Variants in LIN7A observed in about 807,000 individuals in gnomAD.
LIN7A encodes the protein protein lin-7 homolog A.
Under a neutral mutation model 29.8 loss-of-function variants are expected in LIN7A, and 25 were observed. The observed-to-expected ratio is 0.84, with a 90% CI of 0.61 to 1.17. The LOEUF (loss-of-function observed/expected upper bound fraction) is 1.17. Ranked by LOEUF, LIN7A falls within the 50% of genes most tolerant of loss-of-function variation. LIN7A has a pLI of 0.00. For synonymous variants in LIN7A, 118 were observed against 107.5 expected, an observed-to-expected ratio of 1.10 and a Z score of -0.60; for missense variants, 239 against 287.0, an observed-to-expected ratio of 0.83 and a Z score of 1.21.
intron 4 of LIN7A, among the ~76,000 whole-genome samples, chr12:80,817,624 T>A (rs1871598517): frequency 6.6e-6 from 1 of 152,106 alleles, no homozygotes; most frequent in Non-Finnish European, 1.5e-5. Context: ...ACATCAAGGG[T>A]ATTAGGTAAT....
At chr12:80,827,261 C>A (rs564846343) in intron 4 of LIN7A, among the ~76,000 whole-genome samples, 1 of 152,038 alleles carries the variant, frequency 6.6e-6, no homozygotes, top group African/African-American at 2.4e-5. Flanking sequence ...GTGGTGGGTG[C>A]CTGTAGTCCC....
intron 4 of LIN7A, among the ~76,000 whole-genome samples, chr12:80,838,428 A>AAT (rs761407502): frequency 1.3e-5 from 2 of 152,228 alleles, no homozygotes; most frequent in Non-Finnish European, 2.9e-5. Flanking sequence ...GCCAACTCAG[A>AAT]ATGAAGGGGG....
At chr12:80,870,474 G>A (rs1024412084) in intron 2 of LIN7A, among the ~76,000 whole-genome samples, 32 of 152,148 alleles carry the variant, frequency 2.1e-4, no homozygotes, top group African/African-American at 6.8e-4. Context: ...GGCATGTCCT[G>A]GGCAAAGCAT....
intron 1 of LIN7A, among the ~76,000 whole-genome samples, chr12:80,906,631 A>T (rs888886172): frequency 1.3e-5 from 2 of 151,922 alleles, no homozygotes; most frequent in Non-Finnish European, 2.9e-5. Context: ...AAGGAGCCAG[A>T]CGCAAAGAAG....
intron 1 of LIN7A, among the ~76,000 whole-genome samples, chr12:80,906,166 T>C (rs977267188): frequency 2.0e-5 from 3 of 152,216 alleles, no homozygotes; most frequent in Admixed American, 2.0e-4. Flanking sequence ...TGTGCAGGTG[T>C]CTAAAGAATG....
At chr12:80,893,842 T>C (rs1167331479) in intron 1 of LIN7A, among the ~76,000 whole-genome samples, 3 of 152,098 alleles carry the variant, frequency 2.0e-5, no homozygotes, top group Non-Finnish European at 2.9e-5. Flanking sequence ...CCTTAAGCCA[T>C]CTAGTGGGTA....
At chr12:80,877,948 C>G (rs374308125) in intron 2 of LIN7A, among the ~76,000 whole-genome samples, 1 of 151,666 alleles carries the variant, frequency 6.6e-6, no homozygotes, top group Non-Finnish European at 1.5e-5. Flanking sequence ...CAACAGAAGA[C>G]AGAATGTTCA....
intron 5 of LIN7A, among the ~76,000 whole-genome samples, chr12:80,804,327 G>A (rs1234791171): frequency 6.6e-6 from 1 of 151,970 alleles, no homozygotes; most frequent in Non-Finnish European, 1.5e-5. Flanking sequence ...CATTCATTGT[G>A]TTTTTGTACC....
chr12:80,877,811 C>T (rs1874790478), intron 2 of LIN7A, among the ~76,000 whole-genome samples: 1 of 151,958 alleles, frequency 6.6e-6, no homozygotes, highest in Non-Finnish European at 1.5e-5. Flanking sequence ...TTCTTTCTCT[C>T]CATTTTTGTT....
chr12:80,922,056 G>T (rs114681920), intron 1 of LIN7A, among the ~76,000 whole-genome samples: 1 of 152,088 alleles, frequency 6.6e-6, no homozygotes, highest in South Asian at 2.1e-4. Flanking sequence ...GAAAACATGC[G>T]CTGTAATGAA....
intron 1 of LIN7A, among the ~76,000 whole-genome samples, chr12:80,902,115 CT>C (rs1472464956): frequency 6.6e-6 from 1 of 151,958 alleles, no homozygotes; most frequent in Admixed American, 6.6e-5. Flanking sequence ...AAGAGAGTGT[CT>C]TTCCCCCATT....
rs1870266394 is a variant in LIN7A at position 80,792,840 on chromosome 12, C to A, written c.*4887G>T. On this transcript the variant is annotated 3_prime_UTR_variant, in exon 6 of 6. Coordinates refer to ENST00000552864, the MANE Select transcript of LIN7A (RefSeq NM_004664.4). ...AGTCACTGAAATATTTATCACATGT[C>A]AGAAATTTTCTGGTCTGTACCTTTA... is the stretch of plus-strand genomic sequence containing the variant. 2.6e-5 allele frequency: 4 copies of A among 152,222 alleles called. No individual in the cohort carries two copies. The highest frequency in any genetic ancestry group is 2.6e-4 in the Admixed American group (4 of 15,278). The allele number at this position is 152,222 out of a possible 1,614,324, so 9.4% of individuals were successfully genotyped here.
At chr12:80,885,992 A>G (rs1875305234) in intron 2 of LIN7A, among the ~76,000 whole-genome samples, 1 of 152,066 alleles carries the variant, frequency 6.6e-6, no homozygotes, top group South Asian at 2.1e-4. Flanking sequence ...ATGTTTTACA[A>G]TCTTGTTGGC....
intron 1 of LIN7A, among the ~76,000 whole-genome samples, chr12:80,927,154 T>C (rs1877633917): frequency 7.3e-6 from 1 of 137,648 alleles, no homozygotes; most frequent in South Asian, 2.4e-4. Flanking sequence ...CTTTTCTTTT[T>C]CTTTTTTTTT....
At chr12:80,817,675 T>C (rs1871600192) in intron 4 of LIN7A, among the ~76,000 whole-genome samples, 1 of 152,140 alleles carries the variant, frequency 6.6e-6, no homozygotes, top group Non-Finnish European at 1.5e-5. Flanking sequence ...CACAGAACAT[T>C]ATACCTAAAA....
chr12:80,889,386 G>A lies in LIN7A; in HGVS notation c.83-17C>T. 1.4e-6 allele frequency: 2 copies of A among 1,388,052 alleles called. No homozygotes were observed. Among genetic ancestry groups the A allele is most frequent in the Admixed American group, 1.7e-5 (1 of 58,700 alleles). 86.0% of individuals were successfully genotyped at this position (1,388,052 alleles called of 1,614,324 possible). A position where few individuals can be genotyped will look rare whatever the true frequency, so the allele number is the denominator to read the frequency against. ...TTGCAACATCTGAATGAAAAAAAAT[G>A]AAAATAGAGAAACCTAGAATAAATT... On this transcript the variant is annotated splice_polypyrimidine_tract_variant and intron_variant, in intron 1 of 5. Coordinates refer to ENST00000552864, the MANE Select transcript of LIN7A (RefSeq NM_004664.4).
At chr12:80,907,810 G>A (rs1377760044) in intron 1 of LIN7A, among the ~76,000 whole-genome samples, 2 of 151,960 alleles carry the variant, frequency 1.3e-5, no homozygotes, top group African/African-American at 4.8e-5. Flanking sequence ...CCTATTTCAA[G>A]GGAAACTAGT....
intron 1 of LIN7A, among the ~76,000 whole-genome samples, chr12:80,920,868 G>T (rs1339903323): frequency 6.6e-6 from 1 of 152,156 alleles, no homozygotes; most frequent in Non-Finnish European, 1.5e-5. Flanking sequence ...ACCATATTAA[G>T]TTGTAATATT....
chr12:80,912,031 A>C (rs1014852649), intron 1 of LIN7A, among the ~76,000 whole-genome samples: 2 of 152,180 alleles, frequency 1.3e-5, no homozygotes, highest in African/African-American at 4.8e-5. Flanking sequence ...GATAAGAAAA[A>C]ATTTAATAAG....
Sources: allele counts gnomAD v4.1 joint callset (sites outside exome capture counted in the v4.1 genomes callset), GRCh38; gene constraint gnomAD v4.1.1; transcripts MANE v1.5; gene names NCBI Gene and HGNC (gene_info 2026-07-23, HGNC 2026-07-21).